The following LUZP2 variants were observed in gnomAD, a reference collection of about 807,000 sequenced individuals.
The protein encoded by LUZP2 is leucine zipper protein 2.
A neutral mutation model predicts 51.6 loss-of-function variants in LUZP2; 52 were observed. That is an observed-to-expected ratio of 1.01 (90% CI 0.81 to 1.27). The LOEUF is 1.27. LUZP2 is among the 50% of genes most tolerant of loss of function. The pLI is 0.00. For synonymous variants in LUZP2, 154 were observed against 137.3 expected, an observed-to-expected ratio of 1.12 and a Z score of -0.85; for missense variants, 436 against 395.4, an observed-to-expected ratio of 1.10 and a Z score of -0.87.
At chr11:25,067,038 T>C (rs1446160) in intron 10 of LUZP2, among the ~76,000 whole-genome samples, 135,785 of 151,920 alleles carry the variant, frequency 0.89, 61,809 homozygotes, top group Non-Finnish European at 0.98. Context: ...AAGGGAAAAC[T>C]CTGAAGGTTT....
intron 7 of LUZP2, among the ~76,000 whole-genome samples, chr11:24,963,471 G>A (rs1016103825): frequency 4.6e-5 from 7 of 152,284 alleles, no homozygotes; most frequent in South Asian, 2.1e-4. Flanking sequence ...GGGCAATGGC[G>A]GGTGCCCCTC....
intron 1 of LUZP2, among the ~76,000 whole-genome samples, chr11:24,724,945 G>T (rs1034731143): frequency 2.0e-5 from 3 of 152,094 alleles, no homozygotes; most frequent in African/African-American, 7.2e-5. Context: ...ATGAGTAAAT[G>T]TAAAGAATTT....
intron 10 of LUZP2, among the ~76,000 whole-genome samples, chr11:25,053,599 A>C (rs1365653538): frequency 6.6e-6 from 1 of 151,740 alleles, no homozygotes; most frequent in Non-Finnish European, 1.5e-5. Flanking sequence ...GCCTCAGGCA[A>C]CCAAAAACAT....
chr11:24,948,132 T>C (rs1459765533), intron 7 of LUZP2, among the ~76,000 whole-genome samples: 2 of 151,736 alleles, frequency 1.3e-5, no homozygotes, highest in Admixed American at 6.6e-5. Flanking sequence ...GTTTCCTCAA[T>C]TGTATTATCT....
intron 5 of LUZP2, among the ~76,000 whole-genome samples, chr11:24,771,450 T>A (rs1286845211): frequency 8.3e-6 from 1 of 120,038 alleles, no homozygotes; most frequent in African/African-American, 2.8e-5. Context: ...CTTAACATGA[T>A]GCAAATGCCT....
At chr11:25,018,673 T>C (rs1857238426) in intron 9 of LUZP2, among the ~76,000 whole-genome samples, 1 of 149,988 alleles carries the variant, frequency 6.7e-6, no homozygotes, top group Non-Finnish European at 1.5e-5. Context: ...AGGACCATGA[T>C]CTCAGCTCAC....
At chr11:24,656,208 C>T (rs147255293) in intron 1 of LUZP2, among the ~76,000 whole-genome samples, 30 of 152,218 alleles carry the variant, frequency 2.0e-4, no homozygotes, top group African/African-American at 7.0e-4. Flanking sequence ...AGGACAAATA[C>T]ATTGTCAAGT....
intron 7 of LUZP2, among the ~76,000 whole-genome samples, chr11:24,939,189 A>G (rs1438992645): frequency 3.3e-5 from 5 of 152,164 alleles, no homozygotes; most frequent in Admixed American, 2.6e-4. Context: ...AGTATTTCCA[A>G]TAGAAATATA....
intron 5 of LUZP2, among the ~76,000 whole-genome samples, chr11:24,826,283 A>C (rs1029460219): frequency 1.3e-5 from 2 of 149,054 alleles, no homozygotes; most frequent in Non-Finnish European, 3.0e-5. Flanking sequence ...TACTAAACTG[A>C]TGCTCTGTAA....
At chr11:24,570,227 A>G (rs1201853514) in intron 1 of LUZP2, among the ~76,000 whole-genome samples, 1 of 147,658 alleles carries the variant, frequency 6.8e-6, no homozygotes, top group Non-Finnish European at 1.5e-5. Flanking sequence ...ATTCAGTAAC[A>G]CTGAAGGATC....
At chr11:24,945,922 T>C (rs1012186771) in intron 7 of LUZP2, among the ~76,000 whole-genome samples, 2 of 152,086 alleles carry the variant, frequency 1.3e-5, no homozygotes, top group African/African-American at 4.8e-5. Flanking sequence ...TTTTAGAAAA[T>C]TGTCTTCATC....
intron 9 of LUZP2, among the ~76,000 whole-genome samples, chr11:25,039,823 AAG>A (rs1231707620): frequency 6.6e-6 from 1 of 152,178 alleles, no homozygotes; most frequent in Non-Finnish European, 1.5e-5. Context: ...ATTCCCTGAG[AAG>A]AGAGAGGCAG....
At chr11:24,698,597 C>T (rs1857320674) in intron 1 of LUZP2, among the ~76,000 whole-genome samples, 1 of 152,208 alleles carries the variant, frequency 6.6e-6, no homozygotes, top group Non-Finnish European at 1.5e-5. Context: ...ATTTGCTCAA[C>T]TTTAAATTTT....
intron 1 of LUZP2, among the ~76,000 whole-genome samples, chr11:24,565,471 T>C (rs1852186131): frequency 6.6e-6 from 1 of 152,108 alleles, no homozygotes; most frequent in South Asian, 2.1e-4. Context: ...AAATTTATGA[T>C]GGGCTAGAAG....
chr11:24,501,603 C>CTG (rs1849994037), intron 1 of LUZP2, among the ~76,000 whole-genome samples: 1 of 152,164 alleles, frequency 6.6e-6, no homozygotes, highest in Non-Finnish European at 1.5e-5. Context: ...TAAACAGGTA[C>CTG]TGTTTAAAAT....
chr11:25,032,996 A>C lies in LUZP2; in HGVS notation c.766-17042A>C, dbSNP rs111564951. Among the ~76,000 whole-genome samples the C allele has an allele frequency of 7.0e-4, 107 of 152,316 alleles. 1 individual carries two copies. Among genetic ancestry groups the C allele is most frequent in the Middle Eastern group, 3.4e-3 (1 of 294 alleles). On this transcript the variant is annotated intron_variant, in intron 9 of 11. Transcript: ENST00000336930. The stretch of plus-strand genomic sequence containing the variant: ...ATAACTCTATTATACAGAATCCCAT[A>C]AGAAGGTTTGCTTTTCCCTCTTAAC...
At chr11:24,703,824 C>A (rs1346939276) in intron 1 of LUZP2, among the ~76,000 whole-genome samples, 12 of 148,884 alleles carry the variant, frequency 8.1e-5, no homozygotes, top group African/African-American at 3.0e-4. Context: ...GAGACTCCAT[C>A]TCAAAAAACA....
At chr11:25,020,021 G>A (rs946095695) in intron 9 of LUZP2, among the ~76,000 whole-genome samples, 3 of 152,028 alleles carry the variant, frequency 2.0e-5, no homozygotes, top group Non-Finnish European at 2.9e-5. Context: ...AGAATTTATA[G>A]GTTCCACTTT....
intron 8 of LUZP2, among the ~76,000 whole-genome samples, chr11:24,980,626 A>G (rs561170003): frequency 6.6e-6 from 1 of 151,958 alleles, no homozygotes; most frequent in South Asian, 2.1e-4. Flanking sequence ...ATTAAACATA[A>G]AAACAACAAG....
Sources: gnomAD v4.1 joint callset for allele counts (sites outside exome capture counted in the v4.1 genomes callset) on GRCh38, gnomAD v4.1.1 for gene constraint, MANE v1.5 for transcripts, NCBI Gene and HGNC (gene_info 2026-07-23, HGNC 2026-07-21) for gene names.